Variants in SLC4A4 observed in about 807,000 individuals in gnomAD.
SLC4A4 encodes the protein solute carrier family 4 member 4, also known as electrogenic sodium bicarbonate cotransporter 1.
Under a neutral mutation model 111.5 loss-of-function variants are expected in SLC4A4, and 27 were observed. The observed-to-expected ratio is 0.24, with a 90% CI of 0.18 to 0.33. The LOEUF is 0.33. Ranked by LOEUF, SLC4A4 falls within the 10% of genes least tolerant of loss-of-function variation. The pLI, the probability that SLC4A4 is intolerant of heterozygous loss-of-function variation, is 1.00. For missense variants in SLC4A4, 909 were observed against 1,315.5 expected, an observed-to-expected ratio of 0.69 and a Z score of 4.78; for synonymous variants, 443 against 463.4, an observed-to-expected ratio of 0.96 and a Z score of 0.57.
At chr4:71,483,261 T>C (rs979510695) in intron 14 of SLC4A4, among the ~76,000 whole-genome samples, 4 of 151,534 alleles carry the variant, frequency 2.6e-5, no homozygotes, top group Non-Finnish European at 5.9e-5. Context: ...TAAAGATTAT[T>C]TCATCACCCA....
At chr4:71,139,672 A>T (rs1182263441) in intron 2 of SLC4A4, among the ~76,000 whole-genome samples, 1 of 152,114 alleles carries the variant, frequency 6.6e-6, no homozygotes, top group East Asian at 1.9e-4. Context: ...TTCACTTGCT[A>T]ATCTGCTTCT....
chr4:71,355,703 T>C (rs1236313328), intron 5 of SLC4A4, among the ~76,000 whole-genome samples: 2 of 152,212 alleles, frequency 1.3e-5, no homozygotes, highest in African/African-American at 4.8e-5. Context: ...AGGCCAATTC[T>C]GTGAGTGTTT....
At chr4:71,096,983 G>A (rs778291755) in intron 2 of SLC4A4, among the ~76,000 whole-genome samples, 1 of 152,090 alleles carries the variant, frequency 6.6e-6, no homozygotes, top group Non-Finnish European at 1.5e-5. Flanking sequence ...TTTTTATTGT[G>A]ACAAAATACA....
At chr4:71,349,850 C>T (rs971552252) in intron 4 of SLC4A4, 62 bp from the exon 5 acceptor site, 3 of 1,535,400 alleles carry the variant, frequency 2.0e-6, no homozygotes, top group South Asian at 2.2e-5. Context: ...GGGGTTGAGA[C>T]TGCTATTTCT....
chr4:71,287,292 A>G (rs1434772885), intron 3 of SLC4A4, among the ~76,000 whole-genome samples: 1 of 152,234 alleles, frequency 6.6e-6, no homozygotes, highest in African/African-American at 2.4e-5. Context: ...ATTAAAATGA[A>G]ATGAAATACA....
intron 3 of SLC4A4, among the ~76,000 whole-genome samples, chr4:71,308,805 G>T (rs1725901923): frequency 6.6e-6 from 1 of 152,184 alleles, no homozygotes; most frequent in African/African-American, 2.4e-5. Context: ...TGCCAGGCTA[G>T]CTGCACGTGT....
chr4:71,434,941 A>T lies in SLC4A4; in HGVS notation c.808-5675A>T, dbSNP rs527583507. Reference sequence around the variant, plus strand: ...AGAGGACACAAACAAATGGAAAAACATTCCATGCTCATGAATAGGAATAAT... The same window carrying T: ...AGAGGACACAAACAAATGGAAAAACTTTCCATGCTCATGAATAGGAATAAT... On this transcript the variant is annotated intron_variant, in intron 7 of 25. Transcript: ENST00000264485. Among the ~76,000 whole-genome samples the T allele has an allele frequency of 2.6e-5, 4 of 152,334 alleles. 1 individual carries two copies. The South Asian group carries it at 8.3e-4, about 32-fold the overall frequency.
chr4:71,270,088 G>A (rs902397414), intron 3 of SLC4A4, among the ~76,000 whole-genome samples: 1 of 152,126 alleles, frequency 6.6e-6, no homozygotes, highest in Non-Finnish European at 1.5e-5. Context: ...TTGAACCTAT[G>A]ACCTTTGGTT....
At chr4:71,552,778 T>C (rs1736132262) in intron 20 of SLC4A4, among the ~76,000 whole-genome samples, 1 of 151,942 alleles carries the variant, frequency 6.6e-6, no homozygotes, top group Non-Finnish European at 1.5e-5. Context: ...TTGATATGCC[T>C]GTATGGTATA....
chr4:71,107,752 G>A (rs993906457), intron 2 of SLC4A4, among the ~76,000 whole-genome samples: 8 of 150,878 alleles, frequency 5.3e-5, no homozygotes, highest in African/African-American at 2.0e-4. Flanking sequence ...TTAATGCTCA[G>A]ACTGGAGTAC....
At chr4:71,482,422 G>A (rs34349315) in intron 14 of SLC4A4, among the ~76,000 whole-genome samples, 82,850 of 151,298 alleles carry the variant, frequency 0.55, 26,396 homozygotes, top group Non-Finnish European at 0.73. Flanking sequence ...ATTTAAATGA[G>A]CAGAATTGAT....
chr4:71,363,753 C>G (rs1200529905), intron 6 of SLC4A4, among the ~76,000 whole-genome samples: 1 of 152,182 alleles, frequency 6.6e-6, no homozygotes, highest in African/African-American at 2.4e-5. Flanking sequence ...TCAGGACTCT[C>G]ATTTTCCGTT....
chr4:71,126,764 A>G (rs1357617653), intron 2 of SLC4A4, among the ~76,000 whole-genome samples: 1 of 152,236 alleles, frequency 6.6e-6, no homozygotes, highest in Non-Finnish European at 1.5e-5. Context: ...ATAATTTCAC[A>G]TATCTTATGA....
intron 3 of SLC4A4, among the ~76,000 whole-genome samples, chr4:71,268,301 T>C (rs1253021217): frequency 1.3e-5 from 2 of 152,142 alleles, no homozygotes; most frequent in Non-Finnish European, 2.9e-5. Context: ...TTCAGTAACA[T>C]TGGCTGTAAA....
chr4:71,443,294 G>A (rs1315926988), intron 8 of SLC4A4, among the ~76,000 whole-genome samples: 3 of 151,276 alleles, frequency 2.0e-5, no homozygotes, highest in African/African-American at 7.3e-5. Flanking sequence ...GGGATAACAG[G>A]CACCTGCCAC....
chr4:71,177,932 A>C, intron 2 of SLC4A4, among the ~76,000 whole-genome samples: 1 of 152,224 alleles, frequency 6.6e-6, no homozygotes, highest in Non-Finnish European at 1.5e-5. Flanking sequence ...GTTGGAAGTA[A>C]AGCACTCCTC....
intron 6 of SLC4A4, among the ~76,000 whole-genome samples, chr4:71,386,280 T>C (rs549070183): frequency 1.4e-4 from 22 of 152,272 alleles, no homozygotes; most frequent in African/African-American, 5.1e-4. Context: ...ATACAGGAAT[T>C]TTTAAATTTT....
At position 71,293,423 on chromosome 4, in the gene SLC4A4, T is replaced by C. The variant is rs1355431665; in HGVS notation, c.253+38024T>C. Reference sequence around the variant, plus strand: ...ACTAAAAATACCAAAATTAGCTGGGTGTGGTGATGCACACCTGTAGTCCTA... The same window carrying C: ...ACTAAAAATACCAAAATTAGCTGGGCGTGGTGATGCACACCTGTAGTCCTA... On this transcript the variant is annotated intron_variant, in intron 3 of 25. Transcript: ENST00000264485. 3.3e-5 allele frequency among the ~76,000 whole-genome samples: 5 copies of C among 151,528 alleles called. No homozygotes were observed. In the East Asian group the frequency reaches 8.0e-4, roughly 24 times the overall value.
At chr4:71,542,692 C>A (rs982913353) in intron 18 of SLC4A4, among the ~76,000 whole-genome samples, 4 of 152,058 alleles carry the variant, frequency 2.6e-5, no homozygotes, top group African/African-American at 9.7e-5. Flanking sequence ...TGACTTTGCG[C>A]TAAGTTGGGT....
Sources: gnomAD v4.1 joint callset for allele counts (sites outside exome capture counted in the v4.1 genomes callset) on GRCh38, gnomAD v4.1.1 for gene constraint, MANE v1.5 for transcripts, NCBI Gene and HGNC (gene_info 2026-07-23, HGNC 2026-07-21) for gene names.